ASTN2: variants seen among roughly 807,000 people sequenced by gnomAD.
ASTN2 encodes the protein astrotactin-2.
ASTN2 carries 54 observed loss-of-function variants against 139.8 expected under a neutral mutation model. The ratio of observed to expected loss-of-function variants is 0.39; its 90% confidence interval spans 0.31 to 0.48. The LOEUF (loss-of-function observed/expected upper bound fraction) is 0.48, where lower values mean the gene tolerates loss of function less well. ASTN2 is among the 20% of genes least tolerant of loss of function. ASTN2 has a pLI of 0.95. For missense variants in ASTN2, 1,565 were observed against 1,725.1 expected (o/e 0.91, Z 1.64); for synonymous variants, 756 against 719.5 (o/e 1.05, Z -0.81).
intron 2 of ASTN2, among the ~76,000 whole-genome samples, chr9:117,290,887 T>C (rs1229103987): frequency 2.6e-5 from 4 of 152,196 alleles, no homozygotes; most frequent in Non-Finnish European, 4.4e-5. Context: ...GTTGCAAGGG[T>C]TAAAACACCT....
At chr9:116,882,499 G>T (rs1032552346) in intron 10 of ASTN2, among the ~76,000 whole-genome samples, 1 of 152,158 alleles carries the variant, frequency 6.6e-6, no homozygotes, top group African/African-American at 2.4e-5. Flanking sequence ...AGGAGAGGTA[G>T]AGGGTCATGG....
chr9:117,033,320 C>A (rs1378083614), intron 6 of ASTN2, among the ~76,000 whole-genome samples: 3 of 152,062 alleles, frequency 2.0e-5, no homozygotes, highest in Admixed American at 6.6e-5. Flanking sequence ...CCTGCAATGA[C>A]CCCCTTCCAA....
At chr9:117,155,431 T>C (rs1377228647) in intron 3 of ASTN2, among the ~76,000 whole-genome samples, 1 of 151,904 alleles carries the variant, frequency 6.6e-6, no homozygotes, top group Non-Finnish European at 1.5e-5. Context: ...GGACGGGTCT[T>C]GAAGAATGCT....
chr9:116,936,233 TCACCACCAC>T (rs1489222846), intron 10 of ASTN2, among the ~76,000 whole-genome samples: 2 of 76,818 alleles, frequency 2.6e-5, no homozygotes, highest in Non-Finnish European at 5.6e-5. Context: ...ACTACCACCA[TCACCACCAC>T]CACCACCATC....
At chr9:116,934,796 T>G (rs2132457659) in intron 10 of ASTN2, among the ~76,000 whole-genome samples, 1 of 152,324 alleles carries the variant, frequency 6.6e-6, no homozygotes, top group Middle Eastern at 3.4e-3. Context: ...TGAATTCATT[T>G]AGCTCCACTG....
chr9:117,379,174 T>C (rs959288454), intron 1 of ASTN2, among the ~76,000 whole-genome samples: 4 of 152,086 alleles, frequency 2.6e-5, no homozygotes, highest in African/African-American at 9.7e-5. Context: ...TTATATCCAT[T>C]TGAGGACAGA....
intron 13 of ASTN2, among the ~76,000 whole-genome samples, chr9:116,755,495 A>G (rs1459450930): frequency 6.6e-6 from 1 of 152,238 alleles, no homozygotes; most frequent in Non-Finnish European, 1.5e-5. Flanking sequence ...TCACACAGAG[A>G]AAAGGCAGCC....
At chr9:117,358,097 T>A (rs1829591839) in intron 1 of ASTN2, among the ~76,000 whole-genome samples, 1 of 152,162 alleles carries the variant, frequency 6.6e-6, no homozygotes, top group Non-Finnish European at 1.5e-5. Context: ...GTCAGTGATA[T>A]AATGAGGATC....
intron 10 of ASTN2, among the ~76,000 whole-genome samples, chr9:116,912,928 T>C (rs1170932510): frequency 6.6e-6 from 1 of 152,138 alleles, no homozygotes; most frequent in Non-Finnish European, 1.5e-5. Flanking sequence ...AGATGGAGTC[T>C]CACTCTGTCG....
chr9:117,253,768 T>C (rs1833605319), intron 2 of ASTN2, among the ~76,000 whole-genome samples: 2 of 152,090 alleles, frequency 1.3e-5, no homozygotes. Flanking sequence ...TGGGGCAGAA[T>C]TGTGGGGAGG....
chr9:116,570,874 T>G (rs1853476734), intron 19 of ASTN2, among the ~76,000 whole-genome samples: 10 of 152,252 alleles, frequency 6.6e-5, no homozygotes, highest in Admixed American at 6.5e-4. Context: ...TGACCTGTCC[T>G]GTCTTTTCTG....
At chr9:116,941,491 TCA>T (rs1209870655) in intron 10 of ASTN2, among the ~76,000 whole-genome samples, 1 of 151,590 alleles carries the variant, frequency 6.6e-6, no homozygotes, top group African/African-American at 2.4e-5. Flanking sequence ...CCCCTCTTAC[TCA>T]GAGAAGGGTG....
rs1231066619 is a variant in ASTN2, at chr9:117,238,604, T to C, written c.631-23862A>G. 2.0e-5 allele frequency among the ~76,000 whole-genome samples: 3 copies of C among 152,314 alleles called. No homozygotes were observed. The South Asian group carries it at 6.2e-4, about 32-fold the overall frequency. ...TTGGCCCTCCTTTCATTGAGCACCT[T>C]CAGTGATGAGAAACTGATTATTCCT... On this transcript the variant is annotated intron_variant, in intron 2 of 22. Transcript: ENST00000313400.
At chr9:117,153,151 T>C (rs2132883755) in intron 3 of ASTN2, among the ~76,000 whole-genome samples, 1 of 151,926 alleles carries the variant, frequency 6.6e-6, no homozygotes, top group South Asian at 2.1e-4. Flanking sequence ...GAGCCTGGGC[T>C]TCAAGAAGCA....
intron 10 of ASTN2, among the ~76,000 whole-genome samples, chr9:116,898,701 G>A (rs554511817): frequency 6.6e-6 from 1 of 152,036 alleles, no homozygotes; most frequent in African/African-American, 2.4e-5. Flanking sequence ...ACAGGGTCTC[G>A]CTATGTTGTA....
chr9:117,386,950 C>G (rs1377745211), intron 1 of ASTN2, among the ~76,000 whole-genome samples: 1 of 152,204 alleles, frequency 6.6e-6, no homozygotes. Flanking sequence ...AGAAGCAGAA[C>G]AGCAGTGGGT....
At chr9:116,642,132 C>CCAAAAAAAAAAAAAAAAAAA (rs1554724602) in intron 17 of ASTN2, among the ~76,000 whole-genome samples, 7 of 48,938 alleles carry the variant, frequency 1.4e-4, no homozygotes, top group African/African-American at 3.8e-4. Flanking sequence ...TCCCAACCCA[C>CCAAAAAAAAAAAAAAAAAAA]AAAAAAAAAA....
chr9:117,024,351 A>G (rs996725029), intron 6 of ASTN2, among the ~76,000 whole-genome samples: 3 of 152,322 alleles, frequency 2.0e-5, no homozygotes, highest in African/African-American at 4.8e-5. Context: ...ATTGCAACCA[A>G]TAATTCAATA....
At chr9:116,700,954 C>T (rs1861140720) in intron 16 of ASTN2, 1 of 167,032 alleles carries the variant, frequency 6.0e-6, no homozygotes, top group Non-Finnish European at 1.5e-5. Context: ...ACAGAATCAT[C>T]CCCCAAGGTT....
Sources: gnomAD v4.1 joint callset for allele counts (sites outside exome capture counted in the v4.1 genomes callset) on GRCh38, gnomAD v4.1.1 for gene constraint, MANE v1.5 for transcripts, NCBI Gene and HGNC (gene_info 2026-07-23, HGNC 2026-07-21) for gene names.